NOS1: variants seen among roughly 807,000 people sequenced by gnomAD.
The protein encoded by NOS1 is NOS type I.
In NOS1, 51 loss-of-function variants were observed where a neutral mutation model predicts 164.5. That is an observed-to-expected ratio of 0.31 (90% CI 0.25 to 0.39). The LOEUF (loss-of-function observed/expected upper bound fraction) is 0.39. NOS1 is among the 10% of genes least tolerant of loss of function. The pLI is 1.00. For synonymous variants in NOS1, 719 were observed against 745.8 expected (o/e 0.96, Z 0.59); for missense variants, 1,362 against 1,885.6 (o/e 0.72, Z 5.14).
intron 11 of NOS1, among the ~76,000 whole-genome samples, chr12:117,267,014 C>T (rs1189395988): frequency 6.6e-6 from 1 of 152,148 alleles, no homozygotes; most frequent in Non-Finnish European, 1.5e-5. Flanking sequence ...TTTGACATTC[C>T]TCAGTGCACC....
At chr12:117,339,292 T>C (rs1399450210) in intron 1 of NOS1, among the ~76,000 whole-genome samples, 1 of 152,226 alleles carries the variant, frequency 6.6e-6, no homozygotes, top group African/African-American at 2.4e-5. Flanking sequence ...ATGATGTCAA[T>C]CTTCCCACCT....
intron 2 of NOS1, among the ~76,000 whole-genome samples, chr12:117,315,982 G>A (rs527925051): frequency 2.0e-5 from 3 of 152,290 alleles, no homozygotes; most frequent in East Asian, 1.9e-4. Context: ...TTCCTGTGAT[G>A]ATGGAAATGT....
At chr12:117,337,169 G>A (rs1389438232) in intron 1 of NOS1, among the ~76,000 whole-genome samples, 1 of 134,724 alleles carries the variant, frequency 7.4e-6, no homozygotes, top group African/African-American at 2.8e-5. Flanking sequence ...AGGCTGGAGT[G>A]CAGTGGCGCG....
intron 1 of NOS1, among the ~76,000 whole-genome samples, chr12:117,339,389 C>T (rs1400948364): frequency 6.6e-6 from 1 of 152,236 alleles, no homozygotes; most frequent in African/African-American, 2.4e-5. Flanking sequence ...GTGACACACA[C>T]TCTGTTGTCA....
intron 25 of NOS1, 118 bp downstream of exon 25, chr12:117,224,898 T>C: frequency 2.1e-5 from 29 of 1,365,830 alleles, no homozygotes; most frequent in Non-Finnish European, 2.9e-5. Context: ...GCCCCAGCTT[T>C]TCTGAGGCGG....
At chr12:117,311,319 C>T in intron 3 of NOS1, 147 bp downstream of exon 3, 2 of 887,814 alleles carry the variant, frequency 2.3e-6, no homozygotes, top group Non-Finnish European at 3.2e-6. Flanking sequence ...CACTCCTGAC[C>T]TCGGCCTCCC....
intron 1 of NOS1, among the ~76,000 whole-genome samples, chr12:117,344,115 T>C (rs932188103): frequency 2.6e-5 from 4 of 152,232 alleles, no homozygotes; most frequent in Non-Finnish European, 4.4e-5. Context: ...TACCTTAGTA[T>C]GAATGTGTAA....
chr12:117,267,500 T>C (rs1374952889), intron 11 of NOS1, among the ~76,000 whole-genome samples: 1 of 151,750 alleles, frequency 6.6e-6, no homozygotes, highest in Non-Finnish European at 1.5e-5. Context: ...GGCAGGAGAA[T>C]TGCTTGGACC....
chr12:117,264,412 A>G (rs1262990184), intron 12 of NOS1, among the ~76,000 whole-genome samples: 1 of 152,052 alleles, frequency 6.6e-6, no homozygotes, highest in Non-Finnish European at 1.5e-5. Flanking sequence ...AGCTGGGACT[A>G]CAGGTATATG....
intron 9 of NOS1, among the ~76,000 whole-genome samples, chr12:117,274,239 T>C (rs1433645500): frequency 6.6e-6 from 1 of 152,118 alleles, no homozygotes; most frequent in African/African-American, 2.4e-5. Flanking sequence ...ACATCAGGGA[T>C]ATGCAAACGA....
intron 14 of NOS1, among the ~76,000 whole-genome samples, chr12:117,260,127 A>AAAAAAC (rs1555252932): frequency 0.014 from 2,018 of 142,772 alleles, 47 homozygotes; most frequent in African/African-American, 0.056. Context: ...TCAAAAAAAA[A>AAAAAAC]AAAAAACAAA....
intron 6 of NOS1, among the ~76,000 whole-genome samples, 155 bp downstream of exon 6, chr12:117,285,949 T>C (rs1874082598): frequency 6.6e-6 from 1 of 152,200 alleles, no homozygotes; most frequent in Admixed American, 6.5e-5. Context: ...CTGGCTGTGA[T>C]CTTGGAATGT....
chr12:117,244,448 A>T (rs1870459372), intron 18 of NOS1, among the ~76,000 whole-genome samples: 1 of 152,260 alleles, frequency 6.6e-6, no homozygotes, highest in South Asian at 2.1e-4. Context: ...CATGTTGGCC[A>T]GGCTGGTTTC....
chr12:117,298,516 T>C (rs927906804), intron 3 of NOS1, among the ~76,000 whole-genome samples: 1 of 152,176 alleles, frequency 6.6e-6, no homozygotes, highest in South Asian at 2.1e-4. Flanking sequence ...CAAATTCATA[T>C]GTTGATGTCC....
intron 1 of NOS1, among the ~76,000 whole-genome samples, chr12:117,353,803 G>A (rs547789514): frequency 1.1e-4 from 16 of 151,940 alleles, no homozygotes; most frequent in Non-Finnish European, 2.1e-4. Context: ...TCCTCTAAAC[G>A]AAAACTAAAT....
At chr12:117,220,335 T>G (rs1247833096) in intron 26 of NOS1, 66 bp from the exon 27 acceptor site, 25 of 1,479,244 alleles carry the variant, frequency 1.7e-5, no homozygotes, top group Non-Finnish European at 2.3e-5. Flanking sequence ...AGCCCATGTC[T>G]GCCCAGGAAG....
chr12:117,227,197 A>T (rs1158529671), intron 23 of NOS1, among the ~76,000 whole-genome samples: 1 of 152,096 alleles, frequency 6.6e-6, no homozygotes, highest in Non-Finnish European at 1.5e-5. Flanking sequence ...CTTTGGGGAT[A>T]TTAGGGGGCG....
At position 117,247,342 on chromosome 12, in the gene NOS1, G is replaced by A. The variant is rs758242227; in HGVS notation, c.2823+6C>T. The A allele has an allele frequency of 3.1e-6, 5 of 1,589,408 alleles. No individual in the cohort carries two copies. Among genetic ancestry groups the A allele is most frequent in the Admixed American group, 1.8e-5 (1 of 55,730 alleles). On this transcript the variant is annotated splice_donor_region_variant and intron_variant, in intron 18 of 28. Transcript: ENST00000317775. ...TTTTCCTGTAGGTCCATGAGATCCA[G>A]ATTACCTTGAAGACCTTCTTGGCCC...
intron 13 of NOS1, among the ~76,000 whole-genome samples, chr12:117,261,579 G>C (rs1293815471): frequency 6.6e-6 from 1 of 152,192 alleles, no homozygotes; most frequent in Non-Finnish European, 1.5e-5. Flanking sequence ...GGAAGGACCA[G>C]GTCTGATTTA....
Sources: gnomAD v4.1 joint callset for allele counts (sites outside exome capture counted in the v4.1 genomes callset) on GRCh38, gnomAD v4.1.1 for gene constraint, MANE v1.5 for transcripts, NCBI Gene and HGNC (gene_info 2026-07-23, HGNC 2026-07-21) for gene names.